The following PPP2R2A variants were observed in gnomAD, a reference collection of about 807,000 sequenced individuals.
The protein encoded by PPP2R2A is protein phosphatase 2 regulatory subunit Balpha, also known as serine/threonine-protein phosphatase 2A 55 kDa regulatory subunit B alpha isoform.
In PPP2R2A, 9 loss-of-function variants were observed where a neutral mutation model predicts 53.2. That is an observed-to-expected ratio of 0.17 (90% confidence interval 0.10 to 0.30). The LOEUF (loss-of-function observed/expected upper bound fraction) is 0.30. PPP2R2A is among the 10% of genes least tolerant of loss of function. PPP2R2A has a pLI of 1.00. For synonymous variants in PPP2R2A, 169 were observed against 174.2 expected (o/e 0.97, Z 0.23); for missense variants, 235 against 534.6 (o/e 0.44, Z 5.53).
intron 3 of PPP2R2A, among the ~76,000 whole-genome samples, chr8:26,340,169 G>A (rs1347902537): frequency 5.9e-5 from 9 of 151,802 alleles, no homozygotes; most frequent in South Asian, 2.1e-4. Flanking sequence ...CCAAAAACTC[G>A]ACCATAAGAA....
At chr8:26,329,983 C>T (rs1803285191) in intron 2 of PPP2R2A, among the ~76,000 whole-genome samples, 1 of 152,198 alleles carries the variant, frequency 6.6e-6, no homozygotes, top group Non-Finnish European at 1.5e-5. Flanking sequence ...ACAGTGTCAT[C>T]ATACCTTGAG....
At chr8:26,368,817 T>C (rs1441157613) in intron 9 of PPP2R2A, among the ~76,000 whole-genome samples, 2 of 151,806 alleles carry the variant, frequency 1.3e-5, no homozygotes, top group Non-Finnish European at 2.9e-5. Context: ...GAAAAATACA[T>C]ATATATAGGC....
chr8:26,323,788 C>G (rs933628701), intron 2 of PPP2R2A, among the ~76,000 whole-genome samples: 4 of 152,116 alleles, frequency 2.6e-5, no homozygotes, highest in Non-Finnish European at 4.4e-5. Context: ...TCCGTGGAGG[C>G]TTCATTATGA....
chr8:26,319,422 A>C (rs1190334727), intron 2 of PPP2R2A, among the ~76,000 whole-genome samples: 3 of 152,096 alleles, frequency 2.0e-5, no homozygotes, highest in African/African-American at 7.2e-5. Context: ...TTACATTTTC[A>C]CCAGCAATAC....
rs574767732 is a variant in PPP2R2A, at chr8:26,350,039, G to T, written c.181-4429G>T. Among the ~76,000 whole-genome samples the T allele has an allele frequency of 5.3e-5, 8 of 152,140 alleles. No individual in the cohort carries two copies. In the South Asian group the frequency reaches 1.5e-3, roughly 28 times the overall value. ...TCTTTTAAAATTTAACACTTTGTGGGTATGAATTAAGTTTGTATTTACTGT... is the reference window on the plus strand; with the variant it reads ...TCTTTTAAAATTTAACACTTTGTGGTTATGAATTAAGTTTGTATTTACTGT... On this transcript the variant is annotated intron_variant, in intron 3 of 9. Transcript: ENST00000380737.
chr8:26,336,629 C>A (rs13266943), intron 2 of PPP2R2A, among the ~76,000 whole-genome samples: 26,475 of 151,922 alleles, frequency 0.17, 2,716 homozygotes, highest in East Asian at 0.41. Flanking sequence ...AAACTTCCAG[C>A]AGTTTGGAAG....
chr8:26,340,461 T>C (rs543036223), intron 3 of PPP2R2A, among the ~76,000 whole-genome samples: 1 of 152,178 alleles, frequency 6.6e-6, no homozygotes, highest in African/African-American at 2.4e-5. Flanking sequence ...AGTTATTGAC[T>C]CTCTACACTT....
chr8:26,357,283 A>ACCCC (rs11365852), intron 4 of PPP2R2A, among the ~76,000 whole-genome samples: 6 of 105,156 alleles, frequency 5.7e-5, no homozygotes, highest in Non-Finnish European at 9.9e-5. Flanking sequence ...GCATAGTAAC[A>ACCCC]CCCCCCCCCC....
At chr8:26,317,022 T>G (rs1183427901) in intron 2 of PPP2R2A, among the ~76,000 whole-genome samples, 1 of 152,242 alleles carries the variant, frequency 6.6e-6, no homozygotes, top group Admixed American at 6.5e-5. Context: ...AGACAAAGGA[T>G]TAAGAGAGTA....
At chr8:26,349,228 G>A (rs1233682123) in intron 3 of PPP2R2A, among the ~76,000 whole-genome samples, 1 of 151,580 alleles carries the variant, frequency 6.6e-6, no homozygotes, top group East Asian at 2.0e-4. Context: ...GTTTTGGTGG[G>A]TGGGTAGATG....
chr8:26,345,125 G>T (rs1167279773), intron 3 of PPP2R2A, among the ~76,000 whole-genome samples: 1 of 152,122 alleles, frequency 6.6e-6, no homozygotes, highest in African/African-American at 2.4e-5. Context: ...GTTTCAAATT[G>T]TGGAGCATTT....
chr8:26,310,297 A>AC (rs1258446460), intron 2 of PPP2R2A, among the ~76,000 whole-genome samples: 1 of 39,086 alleles, frequency 2.6e-5, no homozygotes, highest in South Asian at 8.1e-4. Flanking sequence ...AAAAAAAAAA[A>AC]AACACAGTGT....
intron 2 of PPP2R2A, among the ~76,000 whole-genome samples, chr8:26,296,977 C>G (rs941834260): frequency 1.3e-5 from 2 of 152,142 alleles, no homozygotes; most frequent in Non-Finnish European, 2.9e-5. Flanking sequence ...TAGTGTATGT[C>G]ACTGGGGATA....
At chr8:26,327,794 G>T (rs755082908) in intron 2 of PPP2R2A, among the ~76,000 whole-genome samples, 27 of 152,102 alleles carry the variant, frequency 1.8e-4, no homozygotes, top group Non-Finnish European at 3.7e-4. Context: ...TAGCTATGAG[G>T]GGCCAATTGT....
At chr8:26,337,974 T>C (rs560070168) in intron 2 of PPP2R2A, among the ~76,000 whole-genome samples, 1 of 152,350 alleles carries the variant, frequency 6.6e-6, no homozygotes, top group East Asian at 1.9e-4. Flanking sequence ...AGTATGTATA[T>C]CATCAGATTC....
rs560268378 is a variant in PPP2R2A at position 26,356,238 on chromosome 8, C to G, written c.346+1605C>G. ...AAATGGGGGAAGAAATTCAGCACTT[C>G]CTCCATCTAATTGATGCCCCTCGTC... On this transcript the variant is annotated intron_variant, in intron 4 of 9. Transcript: ENST00000380737. 8.5e-5 allele frequency among the ~76,000 whole-genome samples: 13 copies of G among 152,290 alleles called. 1 individual carries two copies. The South Asian group carries it at 2.7e-3, about 32-fold the overall frequency.
At chr8:26,343,977 GA>G (rs1164709929) in intron 3 of PPP2R2A, among the ~76,000 whole-genome samples, 1 of 152,090 alleles carries the variant, frequency 6.6e-6, no homozygotes, top group Non-Finnish European at 1.5e-5. Flanking sequence ...TTGTGTCCAT[GA>G]GCCCTCAATT....
At chr8:26,316,225 C>T (rs1248332549) in intron 2 of PPP2R2A, among the ~76,000 whole-genome samples, 2 of 152,126 alleles carry the variant, frequency 1.3e-5, no homozygotes, top group East Asian at 3.9e-4. Context: ...CCAAGGTGTT[C>T]TCGAACTTGT....
rs1363694089 is a variant in PPP2R2A, at chr8:26,362,633, T to C, written c.638-51T>C. 6.4e-7 allele frequency: 1 copy of C among 1,555,232 alleles called. No individual in the cohort carries two copies. The highest frequency in any genetic ancestry group is 1.1e-5 in the South Asian group (1 of 88,280). On this transcript the variant is annotated intron_variant, in intron 6 of 9. Transcript: ENST00000380737. This position sits in a 1 kb window ranked among gnomAD's most constrained non-coding sequence, Gnocchi z 4.4. ...GTTTTAGGTTTGAGAAATGTAGAAT[T>C]ATATTTGCCCTTTTTTCTAAGTGGA...
Sources: gnomAD v4.1 joint callset for allele counts (sites outside exome capture counted in the v4.1 genomes callset) on GRCh38, gnomAD v4.1.1 for gene constraint, Gnocchi (gnomAD v3.1) non-coding constraint, MANE v1.5 for transcripts, NCBI Gene and HGNC (gene_info 2026-07-23, HGNC 2026-07-21) for gene names.